Variants in HS6ST1 observed in about 807,000 individuals in gnomAD.
The protein encoded by HS6ST1 is heparan-sulfate 6-O-sulfotransferase 1.
In HS6ST1, 3 loss-of-function variants were observed where a neutral mutation model predicts 25.2. The observed-to-expected ratio is 0.12, with a 90% CI of 0.05 to 0.31. HS6ST1 has a LOEUF of 0.31. HS6ST1 is among the 10% of genes least tolerant of loss of function. The pLI is 1.00. For synonymous variants in HS6ST1, 204 were observed against 275.1 expected, an observed-to-expected ratio of 0.74 and a Z score of 2.56; for missense variants, 310 against 609.6, an observed-to-expected ratio of 0.51 and a Z score of 5.18.
In HS6ST1 at chr2:128,267,828, CT is replaced by C; in HGVS notation, c.*333del. ...CCTGGCAGGTCCACTTTCCGCTGTC[CT>C]CGTCTCTTGCGCAAACCTTCAGTTT... On this transcript the variant is annotated 3_prime_UTR_variant, in exon 2 of 2. Coordinates refer to ENST00000259241, the MANE Select transcript of HS6ST1 (RefSeq NM_004807.3). 2.3e-6 allele frequency: 1 copy of C among 434,330 alleles called. No homozygotes were observed. Among genetic ancestry groups the C allele is most frequent in the South Asian group, 2.8e-5 (1 of 35,236 alleles). The allele number at this position is 434,330 out of a possible 1,614,324, so 26.9% of individuals were successfully genotyped here. A position where few individuals can be genotyped will look rare whatever the true frequency, so the allele number is the denominator to read the frequency against.
chr2:128,306,482 C>G (rs144459228), intron 1 of HS6ST1, among the ~76,000 whole-genome samples: 1 of 152,212 alleles, frequency 6.6e-6, no homozygotes, highest in East Asian at 1.9e-4. Context: ...GTCACCAATG[C>G]TCTAGAGAGG....
At position 128,265,606 on chromosome 2, in the gene HS6ST1, AAC is replaced by A. The variant is rs1415161201; in HGVS notation, c.*2554_*2555del. The A allele has an allele frequency of 6.6e-6, 1 of 152,254 alleles. No individual in the cohort carries two copies. Among genetic ancestry groups the A allele is most frequent in the Non-Finnish European group, 1.5e-5 (1 of 68,052 alleles). 9.4% of individuals were successfully genotyped at this position (152,254 alleles called of 1,614,324 possible). Reference sequence around the variant, plus strand: ...GTATGAATAACCAAAAAATTTCTTCAACACTTTTTTTTAAGAAGAAGCTATAA... The same window carrying A: ...GTATGAATAACCAAAAAATTTCTTCAACTTTTTTTTAAGAAGAAGCTATAA... On this transcript the variant is annotated 3_prime_UTR_variant, in exon 2 of 2. Transcript: ENST00000259241.
At chr2:128,284,804 C>T (rs969951535) in intron 1 of HS6ST1, among the ~76,000 whole-genome samples, 5 of 152,158 alleles carry the variant, frequency 3.3e-5, no homozygotes, top group South Asian at 2.1e-4. Flanking sequence ...TCCCTCTTAA[C>T]GGGGCTGACT....
At chr2:128,291,475 G>C (rs1693951620) in intron 1 of HS6ST1, among the ~76,000 whole-genome samples, 1 of 152,236 alleles carries the variant, frequency 6.6e-6, no homozygotes, top group African/African-American at 2.4e-5. Flanking sequence ...TTGGGGGCTA[G>C]ACCTCTGGCA....
rs1350670708 is a variant in HS6ST1 at position 128,266,095 on chromosome 2, T to A, written c.*2067A>T. On this transcript the variant is annotated 3_prime_UTR_variant, in exon 2 of 2. Transcript: ENST00000259241. ...ATAAGTTAACACATATTCCAATATGTACAAAACAACCTGCGCTCAGGCCCG... is the reference window on the plus strand; with the variant it reads ...ATAAGTTAACACATATTCCAATATGAACAAAACAACCTGCGCTCAGGCCCG... 6.6e-6 allele frequency: 1 copy of A among 151,468 alleles called. No homozygotes were observed. Among genetic ancestry groups the A allele is most frequent in the Non-Finnish European group, 1.5e-5 (1 of 67,860 alleles). The allele number at this position is 151,468 out of a possible 1,614,324, so 9.4% of individuals were successfully genotyped here.
intron 1 of HS6ST1, among the ~76,000 whole-genome samples, chr2:128,281,583 C>A (rs190326441): frequency 6.6e-6 from 1 of 152,192 alleles, no homozygotes; most frequent in African/African-American, 2.4e-5. Context: ...CTTTGTAGAG[C>A]GAAGAGAAAG....
At chr2:128,289,081 C>T (rs1042768853) in intron 1 of HS6ST1, among the ~76,000 whole-genome samples, 3 of 152,200 alleles carry the variant, frequency 2.0e-5, no homozygotes, top group African/African-American at 7.2e-5. Context: ...GTAGACTATT[C>T]TTCCCCAGAC....
chr2:128,296,835 C>G (rs1424398571), intron 1 of HS6ST1, among the ~76,000 whole-genome samples: 4 of 152,204 alleles, frequency 2.6e-5, no homozygotes, highest in Non-Finnish European at 5.9e-5. Flanking sequence ...ACAACCCCAA[C>G]AGTATTTGCT....
Position 128,318,204 on chromosome 2 carries a change from G to C in HS6ST1, c.360C>G (p.Pro120=), listed in dbSNP as rs745851677. ...GGTAGCAGGTGCACTTCTTCTGGCC[G>C]GGCCGGCAGTCGCACGGCACCTCGA... ...VRLEVPCDCR[P]GQKKCTCYRP... Residue 120 remains proline, a synonymous_variant, in exon 1 of 2, where the codon CCC becomes CCG. Coordinates refer to ENST00000259241, the MANE Select transcript of HS6ST1 (RefSeq NM_004807.3). The surrounding 1 kb of genome is among the most constrained non-coding windows in gnomAD (Gnocchi z 5.7). The C allele has an allele frequency of 7.2e-6, 11 of 1,533,912 alleles. No homozygotes were observed. Among genetic ancestry groups the C allele is most frequent in the Middle Eastern group, 4.6e-4 (2 of 4,384 alleles).
At chr2:128,298,688 C>G (rs1381641584) in intron 1 of HS6ST1, among the ~76,000 whole-genome samples, 1 of 152,042 alleles carries the variant, frequency 6.6e-6, no homozygotes, top group Non-Finnish European at 1.5e-5. Context: ...TTAATGGGGT[C>G]AGAGCTCAGT....
chr2:128,276,989 G>A (rs547800135), intron 1 of HS6ST1, among the ~76,000 whole-genome samples: 3 of 152,256 alleles, frequency 2.0e-5, no homozygotes, highest in African/African-American at 7.2e-5. Flanking sequence ...GGCAGTGGGG[G>A]TTGCCCTGAG....
At chr2:128,290,697 C>T (rs114349835) in intron 1 of HS6ST1, among the ~76,000 whole-genome samples, 2,085 of 152,056 alleles carry the variant, frequency 0.014, 58 homozygotes, top group African/African-American at 0.048. Flanking sequence ...TTTGGCCAGG[C>T]GTGGTAGCTC....
At chr2:128,292,020 C>T (rs1048670732) in intron 1 of HS6ST1, among the ~76,000 whole-genome samples, 14 of 152,180 alleles carry the variant, frequency 9.2e-5, no homozygotes, top group East Asian at 5.8e-4. Context: ...GGGAAGGGTC[C>T]GGCTCAGGAG....
chr2:128,306,418 G>A (rs1347853975), intron 1 of HS6ST1, among the ~76,000 whole-genome samples: 1 of 152,156 alleles, frequency 6.6e-6, no homozygotes, highest in Admixed American at 6.5e-5. Context: ...CCCCACCCTG[G>A]CCACGATGAC....
intron 1 of HS6ST1, among the ~76,000 whole-genome samples, chr2:128,280,426 G>C (rs538069572): frequency 6.6e-6 from 1 of 152,192 alleles, no homozygotes; most frequent in East Asian, 1.9e-4. Flanking sequence ...GAGACGACCC[G>C]CTCCCAGGAG....
intron 1 of HS6ST1, among the ~76,000 whole-genome samples, chr2:128,294,201 T>G (rs114259121): frequency 0.013 from 1,981 of 152,342 alleles, 35 homozygotes; most frequent in African/African-American, 0.045. Flanking sequence ...ATGGCTCTTC[T>G]GTCATACACG....
chr2:128,293,607 A>AG (rs1693992616), intron 1 of HS6ST1, among the ~76,000 whole-genome samples: 1 of 152,220 alleles, frequency 6.6e-6, no homozygotes, highest in South Asian at 2.1e-4. Flanking sequence ...TAGCAAAACC[A>AG]GGGGCTGGTA....
intron 1 of HS6ST1, among the ~76,000 whole-genome samples, chr2:128,271,396 G>A (rs1420108936): frequency 3.3e-5 from 5 of 152,202 alleles, no homozygotes; most frequent in South Asian, 2.1e-4. Context: ...GAGGCCCCTC[G>A]GTGGAAGGGC....
chr2:128,300,053 C>T (rs977686589), intron 1 of HS6ST1, among the ~76,000 whole-genome samples: 4 of 152,128 alleles, frequency 2.6e-5, no homozygotes, highest in East Asian at 1.9e-4. Context: ...GGCCTGGACC[C>T]GGGTGACACT....
Sources: gnomAD v4.1 joint callset for allele counts (sites outside exome capture counted in the v4.1 genomes callset) on GRCh38, gnomAD v4.1.1 for gene constraint, Gnocchi (gnomAD v3.1) non-coding constraint, MANE v1.5 for transcripts, NCBI Gene and HGNC (gene_info 2026-07-23, HGNC 2026-07-21) for gene names.